SLC12A8: variants seen among roughly 807,000 people sequenced by gnomAD.
SLC12A8 encodes the protein cation-chloride cotransporter 9.
A neutral mutation model predicts 75.6 loss-of-function variants in SLC12A8; 69 were observed. The ratio of observed to expected loss-of-function variants is 0.91; its 90% CI spans 0.75 to 1.11. The LOEUF (loss-of-function observed/expected upper bound fraction) is 1.11. Among genes scored for constraint, SLC12A8 ranks in the 50% most tolerant of loss-of-function variants. SLC12A8 has a pLI of 0.00. For synonymous variants in SLC12A8, 365 were observed against 372.8 expected (o/e 0.98, Z 0.24); for missense variants, 877 against 896.7 (o/e 0.98, Z 0.28).
In SLC12A8 at chr3:125,160,929, A is replaced by G. The variant is rs550045057; in HGVS notation, c.622+16814T>C. On this transcript the variant is annotated intron_variant, in intron 5 of 13. Coordinates refer to ENST00000469902, the MANE Select transcript of SLC12A8 (RefSeq NM_024628.6). ...GGCTATGTGTGACCCAGCGAAGGTC[A>G]CTCATCCAGATTCCACATGCCCGGG... 2.0e-5 allele frequency among the ~76,000 whole-genome samples: 3 copies of G among 152,212 alleles called. No individual in the cohort carries two copies. In the East Asian group the frequency reaches 5.8e-4, roughly 29 times the overall value.
rs1456168515 is a variant in SLC12A8 at position 125,118,776 on chromosome 3, G to A, written c.905C>T (p.Ala302Val). The change falls in exon 8 of 14, where the codon GCG (alanine) becomes GTG (valine). Residue 302 changes from alanine (A) to valine (V), a missense_variant. Coordinates refer to ENST00000469902, the MANE Select transcript of SLC12A8 (RefSeq NM_024628.6). Reference sequence around the variant, plus strand: ...AGCGCAGGCCTCACTCACCTTTTCCGCTATCAGGAAGTCATAGCGAAGGGC... The same window carrying A: ...AGCGCAGGCCTCACTCACCTTTTCCACTATCAGGAAGTCATAGCGAAGGGC... The part of the protein sequence containing the change: ...REALRYDFLI[A>V]EKVSLMGFLF... The A allele has an allele frequency of 9.3e-6, 15 of 1,612,830 alleles. No homozygotes were observed. The highest frequency in any genetic ancestry group is 6.7e-5 in the African/African-American group (5 of 75,006).
rs530018131 is a variant in SLC12A8 at position 125,172,322 on chromosome 3, C to T, written c.622+5421G>A. Among the ~76,000 whole-genome samples, 4 of 149,096 alleles carry T rather than the reference C, an allele frequency of 2.7e-5. No individual in the cohort carries two copies. In the East Asian group the frequency reaches 5.8e-4, roughly 22 times the overall value. ...CTCTGTTCTCTCTCTCTCTCCCTCTCCCTCTTTCTCTCTCTCTCCCTGTCT... is the reference window on the plus strand; with the variant it reads ...CTCTGTTCTCTCTCTCTCTCCCTCTTCCTCTTTCTCTCTCTCTCCCTGTCT... On this transcript the variant is annotated intron_variant, in intron 5 of 13. Transcript: ENST00000469902.
intron 5 of SLC12A8, among the ~76,000 whole-genome samples, chr3:125,144,860 G>A (rs1933733992): frequency 6.6e-6 from 1 of 152,100 alleles, no homozygotes; most frequent in African/African-American, 2.4e-5. Flanking sequence ...CTGCAGGGAA[G>A]GGGCAGTCAG....
At position 125,212,709 on chromosome 3, in the gene SLC12A8, G is replaced by A. The variant is rs556066892; in HGVS notation, c.-55C>T. 6.5e-4 allele frequency: 100 copies of A among 153,400 alleles called. No individual in the cohort carries two copies. The highest frequency in any genetic ancestry group is 8.1e-4 in the Non-Finnish European group (56 of 69,014). The allele number at this position is 153,400 out of a possible 1,614,324, so 9.5% of individuals were successfully genotyped here. On this transcript the variant is annotated 5_prime_UTR_variant, in exon 1 of 14. Coordinates refer to ENST00000469902, the MANE Select transcript of SLC12A8 (RefSeq NM_024628.6). Reference sequence around the variant, plus strand: ...GCCCTTCCGCCCTCACCTGCTCCTGGGACAGCCAGCTCCCAGCGCCCGGCC... The same window carrying A: ...GCCCTTCCGCCCTCACCTGCTCCTGAGACAGCCAGCTCCCAGCGCCCGGCC...
At chr3:125,142,744 C>T (rs1221745318) in intron 5 of SLC12A8, among the ~76,000 whole-genome samples, 1 of 152,252 alleles carries the variant, frequency 6.6e-6, no homozygotes, top group Non-Finnish European at 1.5e-5. Flanking sequence ...GCCTGCAGAT[C>T]GAACTCTCAG....
chr3:125,118,152 G>A (rs112355243), intron 8 of SLC12A8, among the ~76,000 whole-genome samples: 84 of 152,368 alleles, frequency 5.5e-4, no homozygotes, highest in African/African-American at 1.9e-3. Context: ...GGGGTGAGCA[G>A]ATTCTTCTGT....
At chr3:125,141,430 A>G (rs702052) in intron 5 of SLC12A8, among the ~76,000 whole-genome samples, 24,918 of 152,128 alleles carry the variant, frequency 0.16, 2,426 homozygotes, top group South Asian at 0.3. Context: ...GGGACTGAGA[A>G]CTGCTCCAGC....
At chr3:125,167,489 A>C (rs534420854) in intron 5 of SLC12A8, among the ~76,000 whole-genome samples, 1 of 152,340 alleles carries the variant, frequency 6.6e-6, no homozygotes, top group South Asian at 2.1e-4. Flanking sequence ...TGCCCTCATT[A>C]AAGTCCCTGG....
intron 6 of SLC12A8, among the ~76,000 whole-genome samples, chr3:125,121,681 C>T (rs934768324): frequency 6.6e-6 from 1 of 152,206 alleles, no homozygotes; most frequent in African/African-American, 2.4e-5. Context: ...TTAATTAAAA[C>T]AGCCTAAGGT....
chr3:125,179,134 G>A (rs146358577), intron 4 of SLC12A8, among the ~76,000 whole-genome samples: 162 of 152,110 alleles, frequency 1.1e-3, no homozygotes, highest in African/African-American at 3.5e-3. Flanking sequence ...CCATTCTCTG[G>A]GAACAAATTC....
chr3:125,130,389 C>T (rs186625549), intron 6 of SLC12A8, among the ~76,000 whole-genome samples: 5 of 151,868 alleles, frequency 3.3e-5, no homozygotes, highest in South Asian at 2.1e-4. Context: ...GTCAAGAGTT[C>T]GAGACCACCC....
At chr3:125,125,305 C>T (rs928924310) in intron 6 of SLC12A8, among the ~76,000 whole-genome samples, 30 of 152,202 alleles carry the variant, frequency 2.0e-4, no homozygotes, top group South Asian at 6.2e-4. Context: ...TGCCTGTAAT[C>T]CCAGCACTTT....
At chr3:125,180,727 C>T (rs1934640659) in intron 4 of SLC12A8, among the ~76,000 whole-genome samples, 1 of 152,122 alleles carries the variant, frequency 6.6e-6, no homozygotes, top group Admixed American at 6.5e-5. Context: ...TTATTATTCG[C>T]TGCTGAAGAA....
Position 125,162,737 on chromosome 3 carries a change from T to C in SLC12A8, c.622+15006A>G, listed in dbSNP as rs563620937. Among the ~76,000 whole-genome samples the C allele has an allele frequency of 2.6e-5, 4 of 152,316 alleles. No homozygotes were observed. In the South Asian group the frequency reaches 8.3e-4, roughly 32 times the overall value. Reference sequence around the variant, plus strand: ...GGATCCTCCAAACACCTGCTCATTATCAGCATCTGCAATACAACAAGTACC... The same window carrying C: ...GGATCCTCCAAACACCTGCTCATTACCAGCATCTGCAATACAACAAGTACC... On this transcript the variant is annotated intron_variant, in intron 5 of 13. Coordinates refer to ENST00000469902, the MANE Select transcript of SLC12A8 (RefSeq NM_024628.6).
chr3:125,190,662 T>C, intron 2 of SLC12A8, 141 bp from the exon 3 acceptor site: 1 of 890,018 alleles, frequency 1.1e-6, no homozygotes, highest in East Asian at 2.4e-5. Flanking sequence ...AGTGTGTGTG[T>C]ATACACACAT....
intron 5 of SLC12A8, among the ~76,000 whole-genome samples, chr3:125,160,902 G>A (rs1934154241): frequency 6.6e-6 from 1 of 152,226 alleles, no homozygotes; most frequent in African/African-American, 2.4e-5. Context: ...GGTTCCAACA[G>A]TGGCTATGTG....
intron 6 of SLC12A8, among the ~76,000 whole-genome samples, chr3:125,122,644 C>T (rs747422012): frequency 1.8e-4 from 28 of 152,198 alleles, no homozygotes; most frequent in Non-Finnish European, 3.7e-4. Context: ...GACGTTTGCA[C>T]CCCAAATAAA....
At position 125,092,215 on chromosome 3, in the gene SLC12A8, G is replaced by GAAATCTAAAAA; in HGVS notation, c.1706-18_1706-17insTTTTTAGATTT. 1 of 1,579,448 alleles carries GAAATCTAAAAA rather than the reference G, an allele frequency of 6.3e-7. No homozygotes were observed. The highest frequency in any genetic ancestry group is 8.7e-7 in the Non-Finnish European group (1 of 1,149,568). On this transcript the variant is annotated splice_polypyrimidine_tract_variant and intron_variant, in intron 10 of 13. Coordinates refer to ENST00000469902, the MANE Select transcript of SLC12A8 (RefSeq NM_024628.6). ...GGAAGAAATCTAAAAAATAGCCAAA[G>GAAATCTAAAAA]ATTTGGCTGCCAAATTGCTATCAAC...
At position 125,177,871 on chromosome 3, in the gene SLC12A8, A is replaced by C; in HGVS notation, c.494T>G (p.Leu165Arg). 1 of 1,614,218 alleles carries C rather than the reference A, an allele frequency of 6.2e-7. No homozygotes were observed. Among genetic ancestry groups the C allele is most frequent in the Middle Eastern group, 1.6e-4 (1 of 6,062 alleles). ...GAGGTTAATGCCCAGCAAGGCCAGAAGCACCGCAACTGAAATTCCTCGCAC... is the reference window on the plus strand; with the variant it reads ...GAGGTTAATGCCCAGCAAGGCCAGACGCACCGCAACTGAAATTCCTCGCAC... The part of the protein sequence containing the change: ...WAVRGISVAV[L>R]LALLGINLAG... Residue 165 changes from leucine (L) to arginine (R), a missense_variant, in exon 5 of 14, where the codon CTT becomes CGT. Transcript: ENST00000469902.
Sources: allele counts gnomAD v4.1 joint callset (sites outside exome capture counted in the v4.1 genomes callset), GRCh38; gene constraint gnomAD v4.1.1; transcripts MANE v1.5; gene names NCBI Gene and HGNC (gene_info 2026-07-23, HGNC 2026-07-21).